The following GLMN variants were observed in gnomAD, a reference collection of about 807,000 sequenced individuals.
GLMN encodes glomulin.
In GLMN, 75 loss-of-function variants were observed where a neutral mutation model predicts 87.8. The ratio of observed to expected loss-of-function variants is 0.85; its 90% CI spans 0.71 to 1.04. The LOEUF is 1.04. Ranked by LOEUF, GLMN falls within the 50% of genes least tolerant of loss-of-function variation. The pLI, the probability that GLMN is intolerant of heterozygous loss-of-function variation, is 0.00. For synonymous variants in GLMN, 206 were observed against 221.6 expected, an observed-to-expected ratio of 0.93 and a Z score of 0.63; for missense variants, 588 against 658.8, an observed-to-expected ratio of 0.89 and a Z score of 1.18.
chr1:92,309,580 TACATACACATACACATACACATAC>T, the GLMN span, among the ~76,000 whole-genome samples: 208 of 147,958 alleles, frequency 1.4e-3, no homozygotes, highest in African/African-American at 4.8e-3. Context: ...CATATACATA[TACATACACATACACATACACATAC>T]ACATACACAT....
At chr1:92,273,565 T>G (rs1656484849) in intron 7 of GLMN, among the ~76,000 whole-genome samples, 1 of 151,202 alleles carries the variant, frequency 6.6e-6, no homozygotes, top group African/African-American at 2.4e-5. Context: ...CCCTCCTCAG[T>G]CTCCTGAGTA....
the GLMN span, among the ~76,000 whole-genome samples, chr1:92,338,954 C>A: frequency 6.6e-6 from 1 of 152,050 alleles, no homozygotes; most frequent in Admixed American, 6.6e-5. Context: ...CTCCTGCAGA[C>A]AACACTTATT....
chr1:92,328,997 C>T, the GLMN span, among the ~76,000 whole-genome samples: 2 of 152,186 alleles, frequency 1.3e-5, no homozygotes, highest in South Asian at 2.1e-4. Flanking sequence ...TGATGTGATC[C>T]GTCTTCAGCT....
the GLMN span, chr1:92,336,335 T>G: frequency 7.0e-5 from 111 of 1,591,502 alleles, 1 homozygote; most frequent in Non-Finnish European, 9.3e-5. Context: ...AATGTAATTT[T>G]TAAATTTTCA....
At chr1:92,252,281 C>T (rs1441522424) in intron 16 of GLMN, among the ~76,000 whole-genome samples, 1 of 152,140 alleles carries the variant, frequency 6.6e-6, no homozygotes, top group African/African-American at 2.4e-5. Context: ...CGCAGTAGCT[C>T]ATGCCTGTAA....
chr1:92,319,062 G>A, the GLMN span, among the ~76,000 whole-genome samples: 5 of 152,266 alleles, frequency 3.3e-5, no homozygotes, highest in East Asian at 9.7e-4. Flanking sequence ...AAAAAAGGGA[G>A]AGGTTTGTAG....
Position 92,268,132 on chromosome 1 carries a change from T to C in GLMN, c.981A>G (p.Thr327=). The change falls in exon 10 of 19, where the codon ACA becomes ACG. Residue 327 remains threonine (T), a synonymous_variant. Coordinates refer to ENST00000370360, the MANE Select transcript of GLMN (RefSeq NM_053274.3). The part of the protein sequence containing the change: ...MGHIEVFLQR[T]EESVISKGLE... Reference sequence around the variant, plus strand: ...ATCCTTTGGAGATAACAGACTCTTCTGTTCTGAAAAATAATATTAAAATTT... The same window carrying C: ...ATCCTTTGGAGATAACAGACTCTTCCGTTCTGAAAAATAATATTAAAATTT... 1 of 1,395,210 alleles carries C rather than the reference T, an allele frequency of 7.2e-7. No individual in the cohort carries two copies. Among genetic ancestry groups the C allele is most frequent in the Non-Finnish European group, 1.0e-6 (1 of 983,338 alleles). 86.4% of individuals were successfully genotyped at this position (1,395,210 alleles called of 1,614,324 possible).
At chr1:92,286,661 C>T in intron 6 of GLMN, 69 bp from the exon 7 acceptor site, 2 of 800,924 alleles carry the variant, frequency 2.5e-6, no homozygotes. Flanking sequence ...GTCTTCAAAT[C>T]TAAGTTAATT....
At chr1:92,323,512 A>G in the GLMN span, 2 of 1,613,922 alleles carry the variant, frequency 1.2e-6, no homozygotes, top group South Asian at 1.1e-5. Flanking sequence ...CGACAATCCT[A>G]GCCACTTTGA....
intron 7 of GLMN, among the ~76,000 whole-genome samples, chr1:92,285,353 C>T (rs1648601244): frequency 6.6e-6 from 1 of 152,100 alleles, no homozygotes; most frequent in Non-Finnish European, 1.5e-5. Context: ...TCTAAGCAAA[C>T]TATCACAAGA....
intron 8 of GLMN, 35 bp downstream of exon 8, chr1:92,271,430 T>G: frequency 6.7e-7 from 1 of 1,497,732 alleles, no homozygotes; most frequent in Non-Finnish European, 9.3e-7. Flanking sequence ...AAATTCCTTT[T>G]AGAATACATG....
upstream of GLMN, chr1:92,298,999 G>C (rs1016536199): frequency 1.4e-5 from 10 of 712,790 alleles, no homozygotes; most frequent in Non-Finnish European, 2.0e-5. Flanking sequence ...GCCCCGCCCC[G>C]CGCTACGCGT....
the GLMN span, among the ~76,000 whole-genome samples, chr1:92,338,648 A>T: frequency 7.0e-6 from 1 of 142,690 alleles, no homozygotes; most frequent in African/African-American, 2.6e-5. Context: ...CTGATCATTG[A>T]TTTTTTTTTT....
chr1:92,259,213 G>T (rs1654670418), intron 16 of GLMN, among the ~76,000 whole-genome samples: 1 of 152,118 alleles, frequency 6.6e-6, no homozygotes, highest in Non-Finnish European at 1.5e-5. Context: ...ATATGTATTA[G>T]AATAAATTAT....
At chr1:92,361,463 A>G in the GLMN span, among the ~76,000 whole-genome samples, 1 of 152,214 alleles carries the variant, frequency 6.6e-6, no homozygotes, top group Non-Finnish European at 1.5e-5. Flanking sequence ...CTTATGGCAT[A>G]GATTTGATAA....
intron 16 of GLMN, among the ~76,000 whole-genome samples, chr1:92,256,993 T>C (rs1001771810): frequency 1.3e-5 from 2 of 152,194 alleles, no homozygotes; most frequent in African/African-American, 2.4e-5. Flanking sequence ...CGTGATTGTA[T>C]ATTTAGAAAA....
At chr1:92,323,499 T>C in the GLMN span, 5 of 1,613,640 alleles carry the variant, frequency 3.1e-6, no homozygotes, top group African/African-American at 1.3e-5. Flanking sequence ...AAACATCAGA[T>C]ATCGACAATC....
At position 92,246,628 on chromosome 1, in the gene GLMN, A is replaced by G; in HGVS notation, c.1687T>C (p.Phe563Leu). Residue 563 changes from phenylalanine to leucine, a missense_variant, in exon 19 of 19, where the codon TTC becomes CTC. Transcript: ENST00000370360. The part of the protein sequence containing the change: ...MQLKVLHSAL[F>L]TFDLIESVLA... ...ACACTTTCAATCAAATCAAATGTGA[A>G]AAGAGCTGAATGCAGGACCTGCAAT... 6.3e-7 allele frequency: 1 copy of G among 1,579,980 alleles called. No individual in the cohort carries two copies. The highest frequency in any genetic ancestry group is 8.7e-7 in the Non-Finnish European group (1 of 1,148,770).
intron 7 of GLMN, among the ~76,000 whole-genome samples, chr1:92,273,384 C>G (rs1307750351): frequency 1.3e-5 from 2 of 151,684 alleles, no homozygotes; most frequent in East Asian, 3.9e-4. Flanking sequence ...AATCATGAAG[C>G]TCCATTTCTT....
Sources: gnomAD v4.1 joint callset for allele counts (sites outside exome capture counted in the v4.1 genomes callset) on GRCh38, gnomAD v4.1.1 for gene constraint, MANE v1.5 for transcripts, NCBI Gene and HGNC (gene_info 2026-07-23, HGNC 2026-07-21) for gene names.